The following SUMF2 variants were observed in gnomAD, a reference collection of about 807,000 sequenced individuals.
The protein encoded by SUMF2 is sulfatase modifying factor 2, also known as inactive C-alpha-formylglycine-generating enzyme 2.
In SUMF2, 45 loss-of-function variants were observed where a neutral mutation model predicts 44.8. The observed-to-expected ratio is 1.00, with a 90% CI of 0.79 to 1.29. The LOEUF is 1.29. Ranked by LOEUF, SUMF2 falls within the 50% of genes most tolerant of loss-of-function variation. The pLI, the probability that SUMF2 is intolerant of heterozygous loss-of-function variation, is 0.00. For missense variants in SUMF2, 418 were observed against 389.9 expected, an observed-to-expected ratio of 1.07 and a Z score of -0.61; for synonymous variants, 148 against 150.4, an observed-to-expected ratio of 0.98 and a Z score of 0.12.
chr7:56,071,085 T>C (rs1795125104), intron 2 of SUMF2, among the ~76,000 whole-genome samples: 1 of 152,188 alleles, frequency 6.6e-6, no homozygotes, highest in South Asian at 2.1e-4. Flanking sequence ...CTCACAGAAC[T>C]GCTGAGCACA....
At chr7:56,080,982 AC>A (rs1353624148), downstream of SUMF2, 5 of 1,565,412 alleles carry the variant, frequency 3.2e-6, no homozygotes, top group East Asian at 1.1e-4. Flanking sequence ...CACGCATCTC[AC>A]CCCTTTGACT....
rs749618868 is a variant in SUMF2 at position 56,079,672 on chromosome 7, T to C, written c.*60T>C. ...GGGTCACTGTCATTCCCTGGCCATG[T>C]TGCAAACAGCGCAATTCCAAGCTCG... On this transcript the variant is annotated 3_prime_UTR_variant, in exon 9 of 9. Transcript: ENST00000434526. 9 of 1,613,968 alleles carry C rather than the reference T, an allele frequency of 5.6e-6. No homozygotes were observed. The highest frequency in any genetic ancestry group is 7.6e-6 in the Non-Finnish European group (9 of 1,179,980).
chr7:56,084,296 G>T, downstream of SUMF2: 1 of 1,099,730 alleles, frequency 9.1e-7, no homozygotes, highest in African/African-American at 1.6e-5. Flanking sequence ...AATGATGGCT[G>T]GAGGCTGAAA....
intron 6 of SUMF2, 36 bp from the exon 7 acceptor site, chr7:56,078,066 G>C (rs929043948): frequency 6.4e-7 from 1 of 1,559,690 alleles, no homozygotes; most frequent in African/African-American, 1.4e-5. Flanking sequence ...CTTTGGGACA[G>C]GTGGTAAATC....
At chr7:56,082,140 T>G, downstream of SUMF2, 3 of 1,611,822 alleles carry the variant, frequency 1.9e-6, no homozygotes, top group Non-Finnish European at 1.7e-6. Context: ...AGCTGGGTGC[T>G]CCTCCTTTCC....
At chr7:56,071,409 A>G (rs1031844888) in intron 2 of SUMF2, among the ~76,000 whole-genome samples, 2 of 152,042 alleles carry the variant, frequency 1.3e-5, no homozygotes, top group Non-Finnish European at 2.9e-5. Context: ...GAATCTCTTG[A>G]ACCCAGGAGG....
chr7:56,068,652 T>C lies in SUMF2; in HGVS notation c.224+14T>C, dbSNP rs776254139. 4 of 1,611,694 alleles carry C rather than the reference T, an allele frequency of 2.5e-6. No individual in the cohort carries two copies. In the African/African-American group the frequency reaches 5.4e-5, roughly 22 times the overall value. On this transcript the variant is annotated intron_variant, in intron 2 of 8. Transcript: ENST00000434526. ...CAAAGATTTCAGGTACATCAGGTAT[T>C]CTTCCAGGAGGAATGAAGACCCTCT... is the stretch of plus-strand genomic sequence containing the variant.
downstream of SUMF2, chr7:56,083,245 G>A (rs549011830): frequency 2.5e-6 from 4 of 1,608,518 alleles, 1 homozygote; most frequent in South Asian, 3.3e-5. Flanking sequence ...AGCACCCGAG[G>A]CCTGGACGTG....
intron 2 of SUMF2, among the ~76,000 whole-genome samples, chr7:56,070,916 A>G (rs559403682): frequency 2.0e-5 from 3 of 152,198 alleles, no homozygotes; most frequent in South Asian, 2.1e-4. Context: ...AAGACTACAT[A>G]CTGTATGATT....
At chr7:56,065,586 C>A (rs1025497761) in intron 1 of SUMF2, among the ~76,000 whole-genome samples, 1 of 151,990 alleles carries the variant, frequency 6.6e-6, no homozygotes, top group Non-Finnish European at 1.5e-5. Context: ...CTACTTACTC[C>A]TTTTATTTAT....
At chr7:56,078,643 C>A in intron 8 of SUMF2, 135 bp downstream of exon 8, 1 of 1,118,344 alleles carries the variant, frequency 8.9e-7, no homozygotes, top group Non-Finnish European at 1.2e-6. Context: ...CCTCCCTGAG[C>A]CTGTGCCCAG....
At chr7:56,086,498 T>G in the SUMF2 span, among the ~76,000 whole-genome samples, 28 of 152,068 alleles carry the variant, frequency 1.8e-4, no homozygotes, top group Admixed American at 1.8e-3. Context: ...TGTTTTGTTT[T>G]TGTTTTTGAG....
downstream of SUMF2, chr7:56,081,958 T>C (rs372823387): frequency 2.5e-6 from 4 of 1,613,936 alleles, no homozygotes; most frequent in East Asian, 4.5e-5. This position sits in a 1 kb window ranked among gnomAD's most constrained non-coding sequence, Gnocchi z 4.6. Flanking sequence ...TTGCCGCTCA[T>C]GATCATCCTC....
At chr7:56,081,479 C>T, downstream of SUMF2, 2 of 1,218,736 alleles carry the variant, frequency 1.6e-6, no homozygotes, top group Non-Finnish European at 2.3e-6. This position sits in a 1 kb window ranked among gnomAD's most constrained non-coding sequence, Gnocchi z 4.6. Context: ...AGTGGGCTGA[C>T]ACCTGCCGTC....
chr7:56,074,152 TCGGTCTC>T lies in SUMF2; in HGVS notation c.340-20_340-14del. 6.2e-7 allele frequency: 1 copy of T among 1,613,270 alleles called. No homozygotes were observed. The highest frequency in any genetic ancestry group is 1.1e-5 in the South Asian group (1 of 91,046). ...TTTGCTGGGCCGGAGCATCTTGCAG[TCGGTCTC>T]CTTCTTTTTCGCAGTCTGTACTCTG... On this transcript the variant is annotated splice_polypyrimidine_tract_variant and intron_variant, in intron 3 of 8. Transcript: ENST00000434526.
downstream of SUMF2, chr7:56,084,388 T>C: frequency 1.8e-6 from 1 of 570,552 alleles, no homozygotes; most frequent in Non-Finnish European, 3.1e-6. Context: ...TTTTTTTTTT[T>C]TTTGAGATGG....
intron 1 of SUMF2, among the ~76,000 whole-genome samples, chr7:56,064,882 CAAA>C (rs71015175): frequency 1.5e-3 from 21 of 14,304 alleles, no homozygotes; most frequent in African/African-American, 6.2e-3. Flanking sequence ...TACTTTATCT[CAAA>C]AAAAAAAAAA....
intron 1 of SUMF2, among the ~76,000 whole-genome samples, chr7:56,065,225 A>C (rs1287276246): frequency 6.6e-6 from 1 of 150,628 alleles, no homozygotes; most frequent in Non-Finnish European, 1.5e-5. Context: ...AAAAAGGAGA[A>C]TATAACGAGG....
At chr7:56,082,431 A>G (rs1796051134), downstream of SUMF2, among the ~76,000 whole-genome samples, 1 of 152,076 alleles carries the variant, frequency 6.6e-6, no homozygotes, top group Non-Finnish European at 1.5e-5. Flanking sequence ...CATCTCTACT[A>G]AAAATACAAA....
Sources: allele counts gnomAD v4.1 joint callset (sites outside exome capture counted in the v4.1 genomes callset), GRCh38; gene constraint gnomAD v4.1.1; non-coding constraint Gnocchi (gnomAD v3.1); transcripts MANE v1.5; gene names NCBI Gene and HGNC (gene_info 2026-07-23, HGNC 2026-07-21).